TTC28: variants seen among roughly 807,000 people sequenced by gnomAD.
TTC28 encodes the protein tetratricopeptide repeat protein 28.
In TTC28, 61 loss-of-function variants were observed where a neutral mutation model predicts 198.0. The observed-to-expected ratio is 0.31, with a 90% confidence interval of 0.25 to 0.38. The LOEUF (loss-of-function observed/expected upper bound fraction) is 0.38. Ranked by LOEUF, TTC28 falls within the 10% of genes least tolerant of loss-of-function variation. The pLI, the probability that TTC28 is intolerant of heterozygous loss-of-function variation, is 1.00. For missense variants in TTC28, 2,678 were observed against 3,164.0 expected, an observed-to-expected ratio of 0.85 and a Z score of 3.69; for synonymous variants, 1,171 against 1,297.8, an observed-to-expected ratio of 0.90 and a Z score of 2.10.
At chr22:28,585,977 T>TAA (rs892582692) in intron 2 of TTC28, among the ~76,000 whole-genome samples, 1 of 141,542 alleles carries the variant, frequency 7.1e-6, no homozygotes, top group Non-Finnish European at 1.6e-5. Flanking sequence ...AAGGTACAAT[T>TAA]AAAAAAAAAA....
chr22:28,049,140 A>G (rs927888701), intron 12 of TTC28, among the ~76,000 whole-genome samples: 2 of 152,212 alleles, frequency 1.3e-5, no homozygotes, highest in African/African-American at 4.8e-5. Context: ...CCTTGGCTAC[A>G]GCAGAGCTCA....
chr22:28,531,133 G>A (rs1051084434), intron 2 of TTC28, among the ~76,000 whole-genome samples: 3 of 152,136 alleles, frequency 2.0e-5, no homozygotes, highest in Non-Finnish European at 4.4e-5. Flanking sequence ...GAAGAGTCAA[G>A]ACCCATCAGT....
At chr22:28,128,652 C>CCT (rs1942977122) in intron 6 of TTC28, among the ~76,000 whole-genome samples, 1 of 152,128 alleles carries the variant, frequency 6.6e-6, no homozygotes, top group African/African-American at 2.4e-5. Context: ...ATCCTCCTAA[C>CCT]CTCAGTCTCC....
At chr22:28,531,081 A>G (rs913731960) in intron 2 of TTC28, among the ~76,000 whole-genome samples, 4 of 152,160 alleles carry the variant, frequency 2.6e-5, no homozygotes, top group Non-Finnish European at 5.9e-5. Context: ...ATGTAAATGG[A>G]CTAAATGCTC....
At chr22:28,286,074 A>G (rs1601581461) in intron 5 of TTC28, among the ~76,000 whole-genome samples, 1 of 151,766 alleles carries the variant, frequency 6.6e-6, no homozygotes, top group East Asian at 1.9e-4. Flanking sequence ...ATCTCGGCTC[A>G]CCACAAGCTC....
chr22:28,170,535 TATAAC>T (rs1569177479), intron 5 of TTC28, among the ~76,000 whole-genome samples: 3 of 151,554 alleles, frequency 2.0e-5, no homozygotes, highest in Non-Finnish European at 4.4e-5. Flanking sequence ...AATTACTACA[TATAAC>T]AGACCACAGG....
At chr22:28,247,831 T>C (rs908510255) in intron 5 of TTC28, among the ~76,000 whole-genome samples, 1 of 152,102 alleles carries the variant, frequency 6.6e-6, no homozygotes, top group African/African-American at 2.4e-5. Context: ...CAGAAGGGGA[T>C]GAGGCTGCAG....
chr22:28,163,321 A>G lies in TTC28; in HGVS notation c.1212T>C (p.Tyr404=). 1.3e-6 allele frequency: 2 copies of G among 1,552,054 alleles called. No homozygotes were observed. The highest frequency in any genetic ancestry group is 1.4e-5 in the African/African-American group (1 of 73,158). ...CCTTGTCAAAGTTCCTCCGGTAGTG[A>G]TAGGCACTGCCCAGGTTGCTATAAG... ...ARAYSNLGSA[Y]HYRRNFDKAM... Residue 404 remains tyrosine, a synonymous_variant, in exon 6 of 23, where the codon TAT becomes TAC. Coordinates refer to ENST00000397906, the MANE Select transcript of TTC28 (RefSeq NM_001145418.2).
At chr22:28,638,680 A>G (rs2051313872) in intron 1 of TTC28, among the ~76,000 whole-genome samples, 1 of 152,234 alleles carries the variant, frequency 6.6e-6, no homozygotes, top group Admixed American at 6.5e-5. Flanking sequence ...TGTGGCTTTT[A>G]AACACATTTT....
At chr22:28,513,805 G>A (rs868675840) in intron 2 of TTC28, among the ~76,000 whole-genome samples, 1 of 151,994 alleles carries the variant, frequency 6.6e-6, no homozygotes, top group Middle Eastern at 3.4e-3. Context: ...ATGTATATAT[G>A]TGTATATGTA....
At chr22:28,620,099 C>T (rs1165619302) in intron 2 of TTC28, among the ~76,000 whole-genome samples, 1 of 152,148 alleles carries the variant, frequency 6.6e-6, no homozygotes, top group Non-Finnish European at 1.5e-5. Context: ...CGCCTGTAAT[C>T]CCAGCACTCT....
At chr22:28,537,588 C>A (rs936529739) in intron 2 of TTC28, among the ~76,000 whole-genome samples, 4 of 151,590 alleles carry the variant, frequency 2.6e-5, no homozygotes, top group African/African-American at 9.7e-5. Context: ...AAGGAAAGAC[C>A]AAGAAGCGTA....
intron 5 of TTC28, among the ~76,000 whole-genome samples, chr22:28,274,411 T>C (rs778268380): frequency 6.6e-6 from 1 of 152,234 alleles, no homozygotes; most frequent in African/African-American, 2.4e-5. Context: ...CACTGCTTAA[T>C]GTATCTTCCA....
intron 2 of TTC28, among the ~76,000 whole-genome samples, chr22:28,367,280 G>C (rs1469173102): frequency 3.3e-5 from 5 of 151,896 alleles, no homozygotes; most frequent in Admixed American, 3.3e-4. Flanking sequence ...AAATCAAAAA[G>C]AGGAATTTTA....
At chr22:28,364,021 T>C (rs996840673) in intron 2 of TTC28, among the ~76,000 whole-genome samples, 3 of 152,168 alleles carry the variant, frequency 2.0e-5, no homozygotes, top group Non-Finnish European at 4.4e-5. Context: ...TTTGGGGGAC[T>C]GTTGAGAAGG....
chr22:28,182,784 C>A (rs1048418485), intron 5 of TTC28, among the ~76,000 whole-genome samples: 4 of 152,206 alleles, frequency 2.6e-5, no homozygotes, highest in Non-Finnish European at 5.9e-5. Context: ...TTGAATGATT[C>A]CAAACCCAGA....
chr22:28,347,069 C>T (rs1313987660), intron 2 of TTC28, among the ~76,000 whole-genome samples: 1 of 151,996 alleles, frequency 6.6e-6, no homozygotes, highest in Non-Finnish European at 1.5e-5. Context: ...TCCAGATCAG[C>T]CTGGCCAACA....
rs771463983 is a variant in TTC28, at chr22:28,621,742, T to TAAAA, written c.381+7806_381+7809dup. ...TGGGTGACAGAGCAAGACTGTCTCT[T>TAAAA]AAAAAAAAAAAAAAAAAAAAGAAAG... On this transcript the variant is annotated intron_variant, in intron 2 of 22. Coordinates refer to ENST00000397906, the MANE Select transcript of TTC28 (RefSeq NM_001145418.2). 4.8e-4 allele frequency among the ~76,000 whole-genome samples: 36 copies of TAAAA among 75,340 alleles called. 1 individual carries two copies. The highest frequency in any genetic ancestry group is 2.5e-3 in the South Asian group (6 of 2,376). 49.4% of individuals were successfully genotyped at this position (75,340 alleles called of 152,430 possible).
chr22:28,309,754 G>C (rs2045217858), intron 2 of TTC28, among the ~76,000 whole-genome samples: 1 of 152,150 alleles, frequency 6.6e-6, no homozygotes, highest in Non-Finnish European at 1.5e-5. Flanking sequence ...CTTACTTCAT[G>C]AACTTACCAA....
Sources: allele counts gnomAD v4.1 joint callset (sites outside exome capture counted in the v4.1 genomes callset), GRCh38; gene constraint gnomAD v4.1.1; transcripts MANE v1.5; gene names NCBI Gene and HGNC (gene_info 2026-07-23, HGNC 2026-07-21).